Variants in ETFA observed in about 807,000 individuals in gnomAD.
ETFA encodes electron transfer flavoprotein subunit alpha, also known as electron transfer flavoprotein subunit alpha, mitochondrial.
A neutral mutation model predicts 46.2 loss-of-function variants in ETFA; 22 were observed. That is an observed-to-expected ratio of 0.48 (90% CI 0.34 to 0.68). The LOEUF is 0.68. Among genes scored for constraint, ETFA ranks in the 30% least tolerant of loss-of-function variants. The pLI, the probability that ETFA is intolerant of heterozygous loss-of-function variation, is 0.01. For missense variants in ETFA, 345 were observed against 401.1 expected (o/e 0.86, Z 1.19); for synonymous variants, 131 against 139.9 (o/e 0.94, Z 0.45).
chr15:76,275,731 C>A (rs2039584481), intron 8 of ETFA, among the ~76,000 whole-genome samples: 2 of 152,116 alleles, frequency 1.3e-5, no homozygotes. Context: ...TGTCTCTTTT[C>A]TTAGCTATTA....
intron 5 of ETFA, among the ~76,000 whole-genome samples, chr15:76,286,862 C>T (rs984633534): frequency 6.6e-6 from 1 of 152,164 alleles, no homozygotes; most frequent in African/African-American, 2.4e-5. Context: ...AGCTACTGTG[C>T]ATGCTAAAGG....
chr15:76,305,142 C>T (rs1481668349), intron 1 of ETFA, among the ~76,000 whole-genome samples: 2 of 151,192 alleles, frequency 1.3e-5, no homozygotes, highest in Non-Finnish European at 2.9e-5. Context: ...AACATAATTT[C>T]ACAGATATCC....
chr15:76,283,264 G>A (rs1336726580), intron 8 of ETFA, among the ~76,000 whole-genome samples: 1 of 151,960 alleles, frequency 6.6e-6, no homozygotes, highest in Non-Finnish European at 1.5e-5. Flanking sequence ...CGACCACAGT[G>A]CACTGTCGCC....
intron 9 of ETFA, among the ~76,000 whole-genome samples, chr15:76,242,353 C>T (rs906983418): frequency 1.3e-5 from 2 of 152,188 alleles, no homozygotes; most frequent in Admixed American, 1.3e-4. Flanking sequence ...TTTCCATTCA[C>T]CAAACTGCCT....
chr15:76,292,863 C>T (rs1274867144), intron 2 of ETFA, among the ~76,000 whole-genome samples, 163 bp from the exon 3 acceptor site: 1 of 152,152 alleles, frequency 6.6e-6, no homozygotes, highest in African/African-American at 2.4e-5. Flanking sequence ...TCCGGCCGGG[C>T]GCAGTGGCTC....
intron 9 of ETFA, among the ~76,000 whole-genome samples, chr15:76,250,698 A>C (rs1283873802): frequency 6.6e-6 from 1 of 151,138 alleles, no homozygotes; most frequent in Non-Finnish European, 1.5e-5. Flanking sequence ...ACACCCAACT[A>C]AATTTTTTTT....
In ETFA at chr15:76,260,971, T is replaced by C; in HGVS notation, c.816+13441A>G. ...AGGGCTCGGCCATCAGCACCTGGCA[T>C]CCAGGCCACACTAGTGTTGCCGCTG... On this transcript the variant is annotated intron_variant, in intron 9 of 11. Transcript: ENST00000557943. The C allele has an allele frequency of 1.9e-6, 3 of 1,610,328 alleles. No homozygotes were observed. The Admixed American group carries it at 5.0e-5, about 27-fold the overall frequency.
At chr15:76,229,596 G>A (rs2039043855) in intron 10 of ETFA, among the ~76,000 whole-genome samples, 1 of 152,182 alleles carries the variant, frequency 6.6e-6, no homozygotes, top group East Asian at 1.9e-4. Context: ...TGGTGTTGGA[G>A]TTTCTTTCTT....
rs55641615 is a variant in ETFA, at chr15:76,280,389, A to C, written c.733+3368T>G. Among the ~76,000 whole-genome samples the C allele has an allele frequency of 7.9e-3, 1,204 of 152,226 alleles. 4 individuals carry two copies. Among genetic ancestry groups the C allele is most frequent in the Middle Eastern group, 0.014 (4 of 294 alleles). On this transcript the variant is annotated intron_variant, in intron 8 of 11. Transcript: ENST00000557943. The stretch of plus-strand genomic sequence containing the variant: ...ATACTTTCTCTCATAATCCACATCC[A>C]ATCTGTCGGGAAATCCTGATGGCTC...
rs754474755 is a variant in ETFA at position 76,308,229 on chromosome 15, T to G, written c.39+3121A>C. On this transcript the variant is annotated intron_variant, in intron 1 of 11. Transcript: ENST00000557943. Reference sequence around the variant, plus strand: ...CACCATTTTGCATCATAGTAATCATTTCTCAGGCAAAAATCATCAACAGAT... The same window carrying G: ...CACCATTTTGCATCATAGTAATCATGTCTCAGGCAAAAATCATCAACAGAT... Among the ~76,000 whole-genome samples, 39 of 152,202 alleles carry G rather than the reference T, an allele frequency of 2.6e-4. 1 individual carries two copies. Among genetic ancestry groups the G allele is most frequent in the Middle Eastern group, 3.2e-3 (1 of 316 alleles).
intron 11 of ETFA, among the ~76,000 whole-genome samples, chr15:76,225,390 A>C (rs2038993943): frequency 6.6e-6 from 1 of 151,976 alleles, no homozygotes; most frequent in Non-Finnish European, 1.5e-5. Flanking sequence ...CTGGGTTCAC[A>C]CTATTCTCCT....
intron 9 of ETFA, among the ~76,000 whole-genome samples, chr15:76,246,038 TA>T (rs1399799563): frequency 1.3e-5 from 2 of 152,024 alleles, no homozygotes; most frequent in Admixed American, 6.5e-5. Context: ...CAAAACAAAA[TA>T]AAACAAAATC....
chr15:76,287,628 G>C, intron 5 of ETFA: 2 of 484,204 alleles, frequency 4.1e-6, no homozygotes, highest in East Asian at 3.9e-5. Context: ...CCTGCAAACT[G>C]AATAAACAGG....
At chr15:76,291,048 G>C (rs920772232) in intron 4 of ETFA, among the ~76,000 whole-genome samples, 1 of 152,038 alleles carries the variant, frequency 6.6e-6, no homozygotes, top group South Asian at 2.1e-4. Flanking sequence ...AGACTACATC[G>C]ATACAAAAAA....
chr15:76,304,686 G>GA lies in ETFA; in HGVS notation c.39+6663dup, dbSNP rs2039920202. Among the ~76,000 whole-genome samples the GA allele has an allele frequency of 2.7e-5, 4 of 149,844 alleles. 1 individual carries two copies. The South Asian group carries it at 8.4e-4, about 32-fold the overall frequency. On this transcript the variant is annotated intron_variant, in intron 1 of 11. Coordinates refer to ENST00000557943, the MANE Select transcript of ETFA (RefSeq NM_000126.4). The stretch of plus-strand genomic sequence containing the variant: ...CAAAAAAAAAAAAAAAAAATTGGGG[G>GA]AAAAAATACAGCAATGATAAATGAT...
chr15:76,284,928 C>T (rs1311096832), intron 7 of ETFA: 1 of 401,674 alleles, frequency 2.5e-6, no homozygotes, highest in African/African-American at 2.2e-5. Context: ...GAAACTCCAT[C>T]TCAAAAAGAA....
At chr15:76,256,576 C>G (rs771822725) in intron 9 of ETFA, among the ~76,000 whole-genome samples, 1 of 152,156 alleles carries the variant, frequency 6.6e-6, no homozygotes, top group African/African-American at 2.4e-5. Flanking sequence ...TATTTCTTAT[C>G]AAGGACAAAA....
intron 8 of ETFA, among the ~76,000 whole-genome samples, chr15:76,276,518 G>C (rs544574470): frequency 6.6e-6 from 1 of 152,134 alleles, no homozygotes; most frequent in Admixed American, 6.5e-5. Context: ...GTCAGATATT[G>C]CTTCTGTTCC....
intron 1 of ETFA, among the ~76,000 whole-genome samples, chr15:76,307,052 TGATA>T (rs1165803271): frequency 2.6e-5 from 4 of 152,354 alleles, no homozygotes; most frequent in Non-Finnish European, 5.9e-5. Context: ...TTCTCAGTCC[TGATA>T]GATATTCCTT....
Sources: gnomAD v4.1 joint callset for allele counts (sites outside exome capture counted in the v4.1 genomes callset) on GRCh38, gnomAD v4.1.1 for gene constraint, MANE v1.5 for transcripts, NCBI Gene and HGNC (gene_info 2026-07-23, HGNC 2026-07-21) for gene names.